Variants in PDXDC1 observed in about 807,000 individuals in gnomAD.
The protein encoded by PDXDC1 is pyridoxal-dependent decarboxylase domain-containing protein 1.
In PDXDC1, 42 loss-of-function variants were observed where a neutral mutation model predicts 100.1. That is an observed-to-expected ratio of 0.42 (90% CI 0.33 to 0.54). The LOEUF is 0.54. PDXDC1 is among the 20% of genes least tolerant of loss of function. PDXDC1 has a pLI of 0.10. For synonymous variants in PDXDC1, 260 were observed against 371.7 expected, an observed-to-expected ratio of 0.70 and a Z score of 3.46; for missense variants, 636 against 979.2, an observed-to-expected ratio of 0.65 and a Z score of 4.68.
rs1381718072 is a variant in PDXDC1, at chr16:15,110,149, A to G, written c.1400-28730A>G. Among the ~76,000 whole-genome samples, 21 of 131,026 alleles carry G rather than the reference A, an allele frequency of 1.6e-4. 1 individual carries two copies. The highest frequency in any genetic ancestry group is 9.3e-4 in the Admixed American group (12 of 12,924). The allele number at this position is 131,026 out of a possible 152,430, so 86.0% of individuals were successfully genotyped here. A position where few individuals can be genotyped will look rare whatever the true frequency, so the allele number is the denominator to read the frequency against. ...AACACGAGCAAAGCCCCATCTCAGG[A>G]AAAAAAAAAAAAGAGAGAGAGAGAC... is the stretch of plus-strand genomic sequence containing the variant. On this transcript the variant is annotated intron_variant, in intron 16 of 16. Transcript: ENST00000535621.
At chr16:15,038,884 G>A (rs1475294524), downstream of PDXDC1, among the ~76,000 whole-genome samples, 2 of 152,180 alleles carry the variant, frequency 1.3e-5, no homozygotes, top group East Asian at 1.9e-4. Flanking sequence ...GGGCACGCAC[G>A]ACTGCTGAGC....
At chr16:15,124,836 T>C (rs2047617141) in intron 16 of PDXDC1, among the ~76,000 whole-genome samples, 1 of 151,268 alleles carries the variant, frequency 6.6e-6, no homozygotes, top group Non-Finnish European at 1.5e-5. Flanking sequence ...ATTCTTTTTA[T>C]ATGCTGCAGC....
chr16:15,128,088 G>C, intron 16 of PDXDC1: 1 of 1,608,402 alleles, frequency 6.2e-7, no homozygotes, highest in East Asian at 2.2e-5. Flanking sequence ...TGTGCCGTCT[G>C]CAGGTCCCTG....
At chr16:15,084,099 C>A (rs1368497030) in intron 16 of PDXDC1, among the ~76,000 whole-genome samples, 2 of 152,226 alleles carry the variant, frequency 1.3e-5, no homozygotes, top group Non-Finnish European at 2.9e-5. Flanking sequence ...CTGATATCAA[C>A]AGCAAATCAA....
chr16:15,076,957 GCT>G (rs897519668), intron 16 of PDXDC1, among the ~76,000 whole-genome samples: 2 of 150,216 alleles, frequency 1.3e-5, no homozygotes, highest in African/African-American at 2.4e-5. Context: ...ATATGGTCTG[GCT>G]CTGTGTCCCC....
chr16:15,122,399 GA>G (rs2047467276), intron 16 of PDXDC1, among the ~76,000 whole-genome samples: 1 of 145,840 alleles, frequency 6.9e-6, no homozygotes, highest in African/African-American at 2.6e-5. Flanking sequence ...ATTTTTTGTA[GA>G]GATGGGGTTT....
chr16:15,004,689 G>A (rs567106225), intron 5 of PDXDC1, among the ~76,000 whole-genome samples: 2 of 152,342 alleles, frequency 1.3e-5, no homozygotes, highest in African/African-American at 4.8e-5. Context: ...CCTTATCCTT[G>A]GGTGTCCTTG....
At chr16:15,030,421 C>T (rs1451936393) in intron 16 of PDXDC1, among the ~76,000 whole-genome samples, 1 of 151,796 alleles carries the variant, frequency 6.6e-6, no homozygotes, top group Non-Finnish European at 1.5e-5. Flanking sequence ...TGGTACACAC[C>T]TGCAGTCCCA....
At chr16:15,088,031 T>C (rs2045977680) in intron 16 of PDXDC1, among the ~76,000 whole-genome samples, 1 of 152,006 alleles carries the variant, frequency 6.6e-6, no homozygotes, top group Non-Finnish European at 1.5e-5. Context: ...GGAGAATTGC[T>C]TAAAAAACTC....
chr16:15,094,166 T>G lies in PDXDC1; in HGVS notation c.1400-44713T>G, dbSNP rs771302500. Reference sequence around the variant, plus strand: ...TTACCCAGTCCTCGACGCGCCCAGCTTCTTAACTGCAGAGGACGAAGCGGC... The same window carrying G: ...TTACCCAGTCCTCGACGCGCCCAGCGTCTTAACTGCAGAGGACGAAGCGGC... On this transcript the variant is annotated intron_variant, in intron 16 of 16. Coordinates refer to the PDXDC1 transcript ENST00000535621. 5.0e-6 allele frequency: 8 copies of G among 1,602,022 alleles called. No individual in the cohort carries two copies. In the Admixed American group the frequency reaches 1.0e-4, roughly 21 times the overall value.
chr16:15,063,630 G>C (rs2044815466), intron 16 of PDXDC1, among the ~76,000 whole-genome samples: 3 of 150,938 alleles, frequency 2.0e-5, no homozygotes, highest in South Asian at 2.1e-4. Flanking sequence ...GCCTGAACCT[G>C]GGAGACGGAG....
At chr16:15,104,537 G>A (rs759555333) in intron 16 of PDXDC1, 1 of 1,497,252 alleles carries the variant, frequency 6.7e-7, no homozygotes, top group Non-Finnish European at 8.8e-7. Flanking sequence ...GGAGTGAGCA[G>A]ACACTCGGAG....
In PDXDC1 at chr16:15,034,214, C is replaced by A. The variant is rs2043252712; in HGVS notation, c.1813-72C>A. On this transcript the variant is annotated intron_variant, in intron 19 of 22. Transcript: ENST00000396410. ...CTGCTTTTGAAAAATTCCCTCAGTG[C>A]TGTGTTACTAGCTCTTCTGGGCCCC... 25 of 1,303,986 alleles carry A rather than the reference C, an allele frequency of 1.9e-5. No individual in the cohort carries two copies. The South Asian group carries it at 3.0e-4, about 16-fold the overall frequency. The allele number at this position is 1,303,986 out of a possible 1,614,324, so 80.8% of individuals were successfully genotyped here.
At chr16:15,041,022 C>T (rs1193944666), downstream of PDXDC1, 3 of 1,290,150 alleles carry the variant, frequency 2.3e-6, no homozygotes, top group African/African-American at 2.9e-5. Context: ...ACTTTAACTG[C>T]ACATGTGACC....
intron 13 of PDXDC1, 130 bp downstream of exon 13, chr16:15,022,884 AC>A (rs1220896805): frequency 5.0e-6 from 4 of 803,262 alleles, no homozygotes; most frequent in East Asian, 6.0e-5. Context: ...CAGTAAAAAA[AC>A]AAAACAAAAA....
chr16:15,061,698 T>A (rs766270241), intron 16 of PDXDC1: 7 of 1,577,088 alleles, frequency 4.4e-6, no homozygotes, highest in Admixed American at 1.7e-5. Context: ...GCATGACAAG[T>A]GATGGGGAAT....
At chr16:15,087,942 C>A (rs1218347139) in intron 16 of PDXDC1, among the ~76,000 whole-genome samples, 1 of 151,918 alleles carries the variant, frequency 6.6e-6, no homozygotes, top group Non-Finnish European at 1.5e-5. Context: ...TGGAGAAACC[C>A]CGTCTCTACT....
the PDXDC1 span, among the ~76,000 whole-genome samples, chr16:15,145,743 C>T: frequency 1.3e-5 from 2 of 152,380 alleles, no homozygotes; most frequent in Admixed American, 6.5e-5. Context: ...TTTCCAGCTG[C>T]GCTCACTCTG....
At chr16:15,035,618 G>C (rs1218475272) in intron 22 of PDXDC1, 65 bp downstream of exon 22, 4 of 904,852 alleles carry the variant, frequency 4.4e-6, no homozygotes, top group Admixed American at 2.8e-5. Flanking sequence ...ACTTGCGTTT[G>C]TTTTCTGGGT....
Sources: gnomAD v4.1 joint callset for allele counts (sites outside exome capture counted in the v4.1 genomes callset) on GRCh38, gnomAD v4.1.1 for gene constraint, MANE v1.5 for transcripts, NCBI Gene and HGNC (gene_info 2026-07-23, HGNC 2026-07-21) for gene names.